The following ZNF385D variants were observed in gnomAD, a reference collection of about 807,000 sequenced individuals.
ZNF385D encodes zinc finger protein 659.
A neutral mutation model predicts 35.8 loss-of-function variants in ZNF385D; 15 were observed. That is an observed-to-expected ratio of 0.42 (90% confidence interval 0.28 to 0.64). ZNF385D has a LOEUF of 0.64. Ranked by LOEUF, ZNF385D falls within the 30% of genes least tolerant of loss-of-function variation. The pLI, the probability that ZNF385D is intolerant of heterozygous loss-of-function variation, is 0.23. For missense variants in ZNF385D, 474 were observed against 494.6 expected, an observed-to-expected ratio of 0.96 and a Z score of 0.39; for synonymous variants, 212 against 186.8, an observed-to-expected ratio of 1.13 and a Z score of -1.10.
chr3:21,750,583 C>G (rs2070020659), intron 1 of ZNF385D, among the ~76,000 whole-genome samples: 1 of 152,182 alleles, frequency 6.6e-6, no homozygotes, highest in African/African-American at 2.4e-5. Context: ...CCACGCTGCA[C>G]TATTTCTCCT....
chr3:21,841,916 G>GTA (rs1559680151), intron 3 of ZNF385D, among the ~76,000 whole-genome samples: 2 of 150,580 alleles, frequency 1.3e-5, no homozygotes, highest in African/African-American at 4.9e-5. Flanking sequence ...ATACATATAT[G>GTA]TATATATACA....
chr3:22,195,317 G>C (rs780306402), intron 2 of ZNF385D, among the ~76,000 whole-genome samples: 4 of 151,884 alleles, frequency 2.6e-5, no homozygotes, highest in African/African-American at 9.7e-5. Context: ...CTTTGCTGAA[G>C]TATTTGTTCA....
intron 3 of ZNF385D, among the ~76,000 whole-genome samples, chr3:21,529,978 G>T (rs144004503): frequency 6.6e-6 from 1 of 152,094 alleles, no homozygotes; most frequent in Non-Finnish European, 1.5e-5. Context: ...GAGGTGTTTG[G>T]GTCATGGGGG....
chr3:22,294,680 T>C (rs775872126), intron 2 of ZNF385D, among the ~76,000 whole-genome samples: 2 of 152,106 alleles, frequency 1.3e-5, no homozygotes, highest in Non-Finnish European at 2.9e-5. Flanking sequence ...ATGAGTGTGC[T>C]ACTAAATGTC....
intron 2 of ZNF385D, among the ~76,000 whole-genome samples, chr3:22,217,669 G>A (rs1270325686): frequency 6.6e-6 from 1 of 152,086 alleles, no homozygotes; most frequent in South Asian, 2.1e-4. Flanking sequence ...ACATTCTAAG[G>A]TACATTACAT....
At chr3:22,023,310 A>T (rs1383018849) in intron 3 of ZNF385D, among the ~76,000 whole-genome samples, 3 of 152,156 alleles carry the variant, frequency 2.0e-5, no homozygotes, top group African/African-American at 7.2e-5. Flanking sequence ...CAATTAGCTC[A>T]GTCTATTTAG....
intron 3 of ZNF385D, among the ~76,000 whole-genome samples, chr3:22,131,530 G>C (rs62248878): frequency 0.16 from 24,706 of 152,062 alleles, 2,594 homozygotes; most frequent in Middle Eastern, 0.25. Flanking sequence ...ATACCCAGTA[G>C]AGAATGAAAA....
intron 3 of ZNF385D, among the ~76,000 whole-genome samples, chr3:22,086,447 C>T (rs1271909329): frequency 6.6e-6 from 1 of 152,098 alleles, no homozygotes; most frequent in Non-Finnish European, 1.5e-5. Flanking sequence ...CTCCCATTCA[C>T]AATTGCTTCA....
intron 3 of ZNF385D, among the ~76,000 whole-genome samples, chr3:22,024,221 T>C (rs1463280557): frequency 2.0e-5 from 3 of 152,182 alleles, no homozygotes; most frequent in Non-Finnish European, 4.4e-5. Context: ...GTTTGGGCAC[T>C]TGGACTGGCT....
intron 4 of ZNF385D, among the ~76,000 whole-genome samples, chr3:21,458,944 A>G (rs1702998515): frequency 6.6e-6 from 1 of 152,178 alleles, no homozygotes; most frequent in Non-Finnish European, 1.5e-5. Context: ...ATTCTATGGT[A>G]TGTGAATTAT....
chr3:21,859,144 T>G (rs765206016), intron 3 of ZNF385D, among the ~76,000 whole-genome samples: 4 of 152,062 alleles, frequency 2.6e-5, no homozygotes, highest in Non-Finnish European at 5.9e-5. Context: ...TTGTCATTTC[T>G]GTAAATAGTA....
chr3:21,990,991 T>A (rs1028613475), intron 3 of ZNF385D, among the ~76,000 whole-genome samples: 4 of 152,222 alleles, frequency 2.6e-5, no homozygotes, highest in Non-Finnish European at 5.9e-5. Flanking sequence ...AGAATTAGAA[T>A]GGTATATCAA....
intron 2 of ZNF385D, among the ~76,000 whole-genome samples, chr3:21,569,517 A>T (rs901153590): frequency 1.3e-5 from 2 of 149,760 alleles, no homozygotes; most frequent in Non-Finnish European, 3.0e-5. Context: ...TCTTTATCCA[A>T]TTTGCCAGTC....
intron 2 of ZNF385D, among the ~76,000 whole-genome samples, chr3:22,185,731 G>A (rs919390297): frequency 6.6e-6 from 1 of 152,174 alleles, no homozygotes; most frequent in Non-Finnish European, 1.5e-5. Flanking sequence ...CTTCCAAAGT[G>A]CTGGGATTAC....
intron 1 of ZNF385D, among the ~76,000 whole-genome samples, chr3:21,680,374 T>C (rs1021596209): frequency 6.6e-6 from 1 of 152,148 alleles, no homozygotes; most frequent in African/African-American, 2.4e-5. Context: ...GCTTCTCCTT[T>C]GGAATCATCA....
chr3:21,916,190 A>G (rs1309388501), intron 3 of ZNF385D, among the ~76,000 whole-genome samples: 1 of 152,208 alleles, frequency 6.6e-6, no homozygotes, highest in Non-Finnish European at 1.5e-5. Flanking sequence ...CAATGCAACA[A>G]AACTGGAAAT....
chr3:21,698,411 A>G (rs537630571), intron 1 of ZNF385D, among the ~76,000 whole-genome samples: 2 of 152,140 alleles, frequency 1.3e-5, no homozygotes, highest in East Asian at 3.9e-4. Flanking sequence ...ACAAATACAA[A>G]GTCACCATAA....
intron 3 of ZNF385D, among the ~76,000 whole-genome samples, chr3:21,893,435 G>T (rs1040354000): frequency 6.6e-6 from 1 of 152,106 alleles, no homozygotes; most frequent in African/African-American, 2.4e-5. Context: ...TACTGCACTG[G>T]TCTGTGGTCT....
chr3:21,552,052 C>G (rs1311555641), intron 3 of ZNF385D, among the ~76,000 whole-genome samples: 1 of 152,116 alleles, frequency 6.6e-6, no homozygotes, highest in East Asian at 1.9e-4. Flanking sequence ...AAACTACTTT[C>G]CTATGTGATA....
Sources: allele counts gnomAD v4.1 joint callset (sites outside exome capture counted in the v4.1 genomes callset), GRCh38; gene constraint gnomAD v4.1.1; transcripts MANE v1.5; gene names NCBI Gene and HGNC (gene_info 2026-07-23, HGNC 2026-07-21).